Variants in COL5A1 observed in about 807,000 individuals in gnomAD.
The protein encoded by COL5A1 is collagen alpha-1(V) chain.
A neutral mutation model predicts 263.7 loss-of-function variants in COL5A1; 16 were observed. That is an observed-to-expected ratio of 0.06 (90% CI 0.04 to 0.09). The LOEUF is 0.09. COL5A1 is among the 10% of genes least tolerant of loss of function. The probability of loss-of-function intolerance (pLI) is 1.00; values close to 1 mark genes in which losing one functional copy is unlikely to be tolerated. For missense variants in COL5A1, 2,036 were observed against 2,540.5 expected, an observed-to-expected ratio of 0.80 and a Z score of 4.27; for synonymous variants, 1,012 against 1,004.5, an observed-to-expected ratio of 1.01 and a Z score of -0.14.
chr9:134,775,024 A>C, intron 27 of COL5A1, 112 bp downstream of exon 27: 1 of 985,924 alleles, frequency 1.0e-6, no homozygotes, highest in South Asian at 1.4e-5. Context: ...CCTGCTATTC[A>C]GTCTGGAGTA....
At chr9:134,732,445 G>A (rs762741907) in intron 9 of COL5A1, 27 of 516,112 alleles carry the variant, frequency 5.2e-5, no homozygotes, top group African/African-American at 1.9e-4. Context: ...CAGAGCTATC[G>A]AGGCGGAGGC....
intron 1 of COL5A1, among the ~76,000 whole-genome samples, chr9:134,648,108 G>A (rs993011571): frequency 1.1e-4 from 16 of 151,638 alleles, no homozygotes; most frequent in Non-Finnish European, 1.9e-4. Context: ...ATGAAGAGAC[G>A]AGACTGGCCC....
At chr9:134,671,361 G>A (rs904546561) in intron 1 of COL5A1, among the ~76,000 whole-genome samples, 4 of 152,136 alleles carry the variant, frequency 2.6e-5, no homozygotes, top group African/African-American at 4.8e-5. Flanking sequence ...CTGGGATCTC[G>A]CACAGTACAG....
At chr9:134,661,224 C>T (rs914170220) in intron 1 of COL5A1, among the ~76,000 whole-genome samples, 6 of 151,634 alleles carry the variant, frequency 4.0e-5, no homozygotes, top group Admixed American at 2.6e-4. Context: ...AGGGAAGCTG[C>T]CCATCAGCCT....
intron 44 of COL5A1, 46 bp downstream of exon 44, chr9:134,810,354 G>GC: frequency 6.3e-7 from 1 of 1,593,270 alleles, no homozygotes; most frequent in Non-Finnish European, 8.6e-7. Context: ...GGTCCCGGGG[G>GC]GCCTCGTCGC....
chr9:134,746,949 G>A (rs1835537400), intron 11 of COL5A1, among the ~76,000 whole-genome samples: 1 of 152,192 alleles, frequency 6.6e-6, no homozygotes, highest in South Asian at 2.1e-4. Context: ...CATGAAAATT[G>A]GAAATGTGAC....
At chr9:134,750,352 G>T (rs1008282873) in intron 11 of COL5A1, among the ~76,000 whole-genome samples, 190 bp from the exon 12 acceptor site, 1 of 152,126 alleles carries the variant, frequency 6.6e-6, no homozygotes, top group African/African-American at 2.4e-5. Context: ...CCGATCCTCA[G>T]CCCACAGCCG....
intron 4 of COL5A1, among the ~76,000 whole-genome samples, chr9:134,705,768 A>G (rs1833817195): frequency 6.6e-6 from 1 of 152,156 alleles, no homozygotes; most frequent in Non-Finnish European, 1.5e-5. Context: ...CCCATCGTCC[A>G]CAGTGGCACT....
chr9:134,805,193 C>T lies in COL5A1; in HGVS notation c.3237C>T (p.Pro1079=). 3 of 1,613,980 alleles carry T rather than the reference C, an allele frequency of 1.9e-6. No homozygotes were observed. The highest frequency in any genetic ancestry group is 2.7e-5 in the African/African-American group (2 of 75,038). Residue 1079 remains proline, a synonymous_variant, in exon 41 of 66, where the codon CCC becomes CCT. Transcript: ENST00000371817. ...GALGLKGNEG[P]PGPPGPAGSP... is the part of the protein sequence containing the mutation. ...TTGGACTGAAAGGCAATGAAGGGCC[C>T]CCTGGCCCACCAGGCCCTGCGGTGA...
chr9:134,793,043 C>T (rs917307917), intron 32 of COL5A1, among the ~76,000 whole-genome samples: 5 of 151,982 alleles, frequency 3.3e-5, no homozygotes, highest in Non-Finnish European at 7.4e-5. Flanking sequence ...ATGGGCCAGA[C>T]GTGGAAATGG....
rs1833077403 is a variant in COL5A1, at chr9:134,686,285, GCT to G, written c.110-4624_110-4623del. 6.6e-6 allele frequency among the ~76,000 whole-genome samples: 1 copy of G among 151,070 alleles called. No individual in the cohort carries two copies. The highest frequency in any genetic ancestry group is 1.5e-5 in the Non-Finnish European group (1 of 67,880). ...TTCCTTTTTTTCGAGACCAGGTTAT[GCT>G]CTGTCACCCAAGCTGGAGTGCAGTG... On this transcript the variant is annotated intron_variant, in intron 1 of 65. Transcript: ENST00000371817. This position sits in a 1 kb window ranked among gnomAD's most constrained non-coding sequence, Gnocchi z 4.6.
chr9:134,782,103 C>G (rs566555509), intron 28 of COL5A1, among the ~76,000 whole-genome samples: 1 of 152,194 alleles, frequency 6.6e-6, no homozygotes, highest in Non-Finnish European at 1.5e-5. Context: ...GGCACTGACG[C>G]GCGGCAGCCT....
intron 58 of COL5A1, among the ~76,000 whole-genome samples, chr9:134,820,963 A>T (rs1178591479): frequency 2.0e-5 from 3 of 152,162 alleles, no homozygotes; most frequent in Non-Finnish European, 4.4e-5. Context: ...GGGACAGGGC[A>T]GGAGCAGGCA....
At chr9:134,676,494 ATGTCCTGGCACAGAGCAAGCCTTTC>A (rs1832687656) in intron 1 of COL5A1, among the ~76,000 whole-genome samples, 1 of 152,140 alleles carries the variant, frequency 6.6e-6, no homozygotes, top group South Asian at 2.1e-4. Flanking sequence ...CAAGCCTTGG[ATGTCCTGGCACAGAGCAAGCCTTTC>A]TGTAGGATTC....
intron 43 of COL5A1, 23 bp from the exon 44 acceptor site, chr9:134,810,232 G>A (rs1838466031): frequency 3.1e-6 from 5 of 1,613,808 alleles, no homozygotes; most frequent in African/African-American, 1.3e-5. Context: ...CTTTCTAACC[G>A]AATCCCCCAC....
At chr9:134,834,016 C>T (rs28478135) in intron 64 of COL5A1, among the ~76,000 whole-genome samples, 1 of 152,144 alleles carries the variant, frequency 6.6e-6, no homozygotes, top group Non-Finnish European at 1.5e-5. Context: ...GTGGGGGCAC[C>T]TCCTGCCAGG....
intron 32 of COL5A1, among the ~76,000 whole-genome samples, chr9:134,791,054 C>G (rs545312231): frequency 1.3e-5 from 2 of 152,210 alleles, no homozygotes. Flanking sequence ...ACCGGCGAGC[C>G]GAGGAGCTTA....
intron 61 of COL5A1, 142 bp from the exon 62 acceptor site, chr9:134,824,458 G>C (rs1380795456): frequency 5.9e-6 from 6 of 1,012,216 alleles, no homozygotes; most frequent in Non-Finnish European, 8.7e-6. Context: ...ACAGTTCTAA[G>C]GCGGACAGAT....
intron 48 of COL5A1, among the ~76,000 whole-genome samples, chr9:134,813,477 A>G (rs1247469132): frequency 6.6e-6 from 1 of 152,240 alleles, no homozygotes; most frequent in Admixed American, 6.5e-5. Flanking sequence ...TGCCCTGCTG[A>G]GACCACAGGG....
Sources: gnomAD v4.1 joint callset for allele counts (sites outside exome capture counted in the v4.1 genomes callset) on GRCh38, gnomAD v4.1.1 for gene constraint, Gnocchi (gnomAD v3.1) non-coding constraint, MANE v1.5 for transcripts, NCBI Gene and HGNC (gene_info 2026-07-23, HGNC 2026-07-21) for gene names.